Variants in KCNT2 observed in about 807,000 individuals in gnomAD.
KCNT2 encodes the protein potassium sodium-activated channel subfamily T member 2.
KCNT2 carries 67 observed loss-of-function variants against 153.8 expected under a neutral mutation model. The observed-to-expected ratio is 0.44, with a 90% CI of 0.36 to 0.53. The LOEUF is 0.53. Among genes scored for constraint, KCNT2 ranks in the 20% least tolerant of loss-of-function variants. KCNT2 has a pLI of 0.00. For synonymous variants in KCNT2, 500 were observed against 458.8 expected (o/e 1.09, Z -1.15); for missense variants, 975 against 1,354.8 (o/e 0.72, Z 4.40).
chr1:196,387,634 C>T (rs1670107439), intron 13 of KCNT2, among the ~76,000 whole-genome samples: 1 of 151,882 alleles, frequency 6.6e-6, no homozygotes, highest in African/African-American at 2.4e-5. Context: ...AATGGTATTG[C>T]TTTCCAATCT....
At chr1:196,608,152 C>A (rs1212549586) in intron 1 of KCNT2, 63 bp downstream of exon 1, 1 of 1,446,796 alleles carries the variant, frequency 6.9e-7, no homozygotes, top group Non-Finnish European at 9.7e-7. Flanking sequence ...CCCACTTCGG[C>A]CCTCCCATTT....
chr1:196,257,358 G>C (rs528486619), intron 26 of KCNT2: 1 of 979,010 alleles, frequency 1.0e-6, no homozygotes, highest in African/African-American at 1.7e-5. Flanking sequence ...CTCATGTTGA[G>C]ATTTCAATAA....
intron 4 of KCNT2, among the ~76,000 whole-genome samples, chr1:196,481,899 T>C (rs1345551491): frequency 6.6e-6 from 1 of 152,186 alleles, no homozygotes; most frequent in African/African-American, 2.4e-5. Flanking sequence ...ATATGAGTCA[T>C]TGTTTCATTT....
chr1:196,349,852 C>T (rs1038837817), intron 14 of KCNT2, among the ~76,000 whole-genome samples: 8 of 150,984 alleles, frequency 5.3e-5, no homozygotes, highest in Non-Finnish European at 1.2e-4. Context: ...TGCTATCCCT[C>T]CCCCCTTCCC....
intron 1 of KCNT2, among the ~76,000 whole-genome samples, chr1:196,558,314 C>A (rs994698912): frequency 1.3e-5 from 2 of 151,122 alleles, no homozygotes; most frequent in African/African-American, 4.8e-5. Context: ...AAATCTACAT[C>A]ATTAATAAGG....
rs189935181 is a variant in KCNT2 at position 196,455,785 on chromosome 1, G to A, written c.638+9508C>T. 6.7e-4 allele frequency among the ~76,000 whole-genome samples: 102 copies of A among 152,030 alleles called. 1 individual carries two copies. The highest frequency in any genetic ancestry group is 9.9e-4 in the African/African-American group (41 of 41,534). ...TGGCAATTCTCAGGAAAGCAGAGGC[G>A]TCTTTGCTCCTGGGGGCCAGCAGTA... is the stretch of plus-strand genomic sequence containing the variant. On this transcript the variant is annotated intron_variant, in intron 8 of 27. Coordinates refer to ENST00000294725, the MANE Select transcript of KCNT2 (RefSeq NM_198503.5).
At chr1:196,279,266 A>G (rs913346179) in intron 25 of KCNT2, among the ~76,000 whole-genome samples, 9 of 152,112 alleles carry the variant, frequency 5.9e-5, no homozygotes, top group Admixed American at 2.0e-4. Flanking sequence ...CTAGACAAAC[A>G]TCTTACATAT....
At chr1:196,321,131 C>T (rs944299201) in intron 19 of KCNT2, among the ~76,000 whole-genome samples, 26 of 151,808 alleles carry the variant, frequency 1.7e-4, no homozygotes, top group African/African-American at 4.8e-4. Flanking sequence ...GTAGCAGTCT[C>T]TGATAGTGCC....
At chr1:196,430,357 A>G in intron 8 of KCNT2, among the ~76,000 whole-genome samples, 1 of 151,276 alleles carries the variant, frequency 6.6e-6, no homozygotes, top group Non-Finnish European at 1.5e-5. Context: ...TATCCTGGGA[A>G]TGGGCTCCCT....
intron 13 of KCNT2, among the ~76,000 whole-genome samples, chr1:196,379,864 C>T (rs1274218683): frequency 1.3e-5 from 2 of 152,050 alleles, no homozygotes; most frequent in Non-Finnish European, 2.9e-5. Flanking sequence ...GTGTTTACCT[C>T]ATAGAATTGT....
intron 8 of KCNT2, among the ~76,000 whole-genome samples, chr1:196,434,228 CAT>C (rs1454423253): frequency 6.6e-6 from 1 of 151,976 alleles, no homozygotes; most frequent in African/African-American, 2.4e-5. Context: ...TTTAAAATAA[CAT>C]ATGTTTGAGA....
intron 8 of KCNT2, among the ~76,000 whole-genome samples, chr1:196,442,277 G>T (rs1359129708): frequency 2.0e-5 from 3 of 151,758 alleles, no homozygotes; most frequent in Non-Finnish European, 2.9e-5. Context: ...CTTTCAATTT[G>T]TTACTTCTTG....
At chr1:196,463,440 A>G (rs916262578) in intron 8 of KCNT2, among the ~76,000 whole-genome samples, 1 of 151,802 alleles carries the variant, frequency 6.6e-6, no homozygotes. Context: ...ATTATAATTT[A>G]AGAATATATT....
intron 1 of KCNT2, among the ~76,000 whole-genome samples, chr1:196,501,542 G>A (rs1335088952): frequency 6.6e-6 from 1 of 152,144 alleles, no homozygotes; most frequent in East Asian, 1.9e-4. Flanking sequence ...GCTAAACAAT[G>A]GGTACACATG....
chr1:196,549,874 A>C (rs1657657953), intron 1 of KCNT2, among the ~76,000 whole-genome samples: 1 of 151,952 alleles, frequency 6.6e-6, no homozygotes, highest in Non-Finnish European at 1.5e-5. Context: ...GAAAGAGTTC[A>C]GTAGGAAATC....
At chr1:196,368,650 G>A (rs1204326899) in intron 14 of KCNT2, among the ~76,000 whole-genome samples, 1 of 152,048 alleles carries the variant, frequency 6.6e-6, no homozygotes, top group Admixed American at 6.6e-5. Context: ...GTTCCTTTTA[G>A]AAATCCTATC....
intron 26 of KCNT2, among the ~76,000 whole-genome samples, chr1:196,253,145 T>C (rs1340575532): frequency 2.0e-5 from 3 of 151,484 alleles, no homozygotes; most frequent in Non-Finnish European, 4.4e-5. Context: ...TCTTCAAATA[T>C]CCATTCTCTT....
intron 9 of KCNT2, 101 bp from the exon 10 acceptor site, chr1:196,428,370 T>C (rs1404402204): frequency 3.9e-6 from 3 of 769,052 alleles, no homozygotes; most frequent in Admixed American, 2.4e-5. Context: ...ATTTCCTAGA[T>C]GGAACTCATT....
chr1:196,321,185 T>C (rs1366456534), intron 19 of KCNT2, among the ~76,000 whole-genome samples: 1 of 151,884 alleles, frequency 6.6e-6, no homozygotes, highest in African/African-American at 2.4e-5. Flanking sequence ...GGTACTGTCC[T>C]GCTTCTTAAA....
Sources: allele counts gnomAD v4.1 joint callset (sites outside exome capture counted in the v4.1 genomes callset), GRCh38; gene constraint gnomAD v4.1.1; transcripts MANE v1.5; gene names NCBI Gene and HGNC (gene_info 2026-07-23, HGNC 2026-07-21).